EFHB: variants seen among roughly 807,000 people sequenced by gnomAD.
EFHB encodes the protein EF-hand domain family member B.
A neutral mutation model predicts 87.2 loss-of-function variants in EFHB; 91 were observed. The ratio of observed to expected loss-of-function variants is 1.04; its 90% CI spans 0.88 to 1.24. EFHB has a LOEUF of 1.24. EFHB is among the 50% of genes most tolerant of loss of function. The probability of loss-of-function intolerance (pLI) is 0.00; values close to 1 mark genes in which losing one functional copy is unlikely to be tolerated. For synonymous variants in EFHB, 325 were observed against 333.6 expected (o/e 0.97, Z 0.28); for missense variants, 1,084 against 998.8 (o/e 1.09, Z -1.15).
intron 2 of EFHB, 66 bp downstream of exon 2, chr3:19,920,439 G>T: frequency 1.5e-6 from 2 of 1,313,842 alleles, no homozygotes; most frequent in South Asian, 1.3e-5. Flanking sequence ...ACGTTGAGTT[G>T]CCTATTCCTT....
In EFHB at chr3:19,918,392, T is replaced by TG; in HGVS notation, c.1016dup (p.Gln340ThrfsTer11). 6.3e-7 allele frequency: 1 copy of TG among 1,599,494 alleles called. No individual in the cohort carries two copies. The highest frequency in any genetic ancestry group is 8.5e-7 in the Non-Finnish European group (1 of 1,175,774). On this transcript the variant is annotated frameshift_variant, in exon 4 of 13. Transcript: ENST00000295824. LOFTEE classifies it high-confidence loss of function. ...TCTGTTGAAATGTGGTAATAGGCTG[T>TG]GGGTTTATCAATGTGTTTGCCTAAA... is the stretch of plus-strand genomic sequence containing the variant.
intron 6 of EFHB, among the ~76,000 whole-genome samples, chr3:19,904,886 A>G (rs1694788485): frequency 6.6e-6 from 1 of 152,220 alleles, no homozygotes. Flanking sequence ...TTTTTTAAGC[A>G]TAACAAGATA....
intron 3 of EFHB, among the ~76,000 whole-genome samples, chr3:19,918,820 A>AAG (rs1214488749): frequency 1.3e-5 from 2 of 151,306 alleles, no homozygotes; most frequent in African/African-American, 4.9e-5. Context: ...ACTAAAAAAA[A>AAG]AAAAAAAAAA....
chr3:19,893,946 A>G (rs1694389319), intron 9 of EFHB, among the ~76,000 whole-genome samples: 1 of 152,244 alleles, frequency 6.6e-6, no homozygotes, highest in Non-Finnish European at 1.5e-5. Context: ...TTTTAAGTTA[A>G]CAATGTTTAC....
At chr3:19,943,975 T>G (rs1696216816) in intron 1 of EFHB, among the ~76,000 whole-genome samples, 1 of 152,224 alleles carries the variant, frequency 6.6e-6, no homozygotes, top group East Asian at 1.9e-4. Context: ...CATTTAGAAT[T>G]AGTGGGCTTA....
intron 12 of EFHB, among the ~76,000 whole-genome samples, chr3:19,881,923 G>A (rs1462820939): frequency 6.6e-6 from 1 of 151,900 alleles, no homozygotes; most frequent in East Asian, 1.9e-4. Flanking sequence ...CACCCCAGTG[G>A]CTATTCAGAC....
upstream of EFHB, among the ~76,000 whole-genome samples, chr3:19,938,785 G>GGA (rs1696080457): frequency 6.6e-6 from 1 of 152,166 alleles, no homozygotes; most frequent in Admixed American, 6.5e-5. Context: ...CCGTGATCCA[G>GGA]TCTCTGCCAA....
intron 9 of EFHB, among the ~76,000 whole-genome samples, chr3:19,891,125 G>C (rs1183047439): frequency 6.6e-6 from 1 of 152,130 alleles, no homozygotes; most frequent in African/African-American, 2.4e-5. Flanking sequence ...GGAATGCAGT[G>C]GCACAATCAT....
chr3:19,882,055 A>ATAAATAATTAAATAAT lies in EFHB; in HGVS notation c.2328+494_2328+495insATTATTTAATTATTTA, dbSNP rs147948986. On this transcript the variant is annotated intron_variant, in intron 12 of 12. Coordinates refer to ENST00000295824, the MANE Select transcript of EFHB (RefSeq NM_144715.4). ...AATAAATAAATAAATAAATAAATAA[A>ATAAATAATTAAATAAT]TAAATAATTAAATAAGACAGATGTA... Among the ~76,000 whole-genome samples the ATAAATAATTAAATAAT allele has an allele frequency of 2.2e-3, 312 of 140,186 alleles. 1 individual carries two copies. Among genetic ancestry groups the ATAAATAATTAAATAAT allele is most frequent in the Non-Finnish European group, 3.8e-3 (254 of 66,994 alleles). The allele number at this position is 140,186 out of a possible 152,430, so 92.0% of individuals were successfully genotyped here.
intron 9 of EFHB, chr3:19,894,499 A>C (rs1363988688): frequency 6.6e-6 from 1 of 152,218 alleles, no homozygotes; most frequent in Non-Finnish European, 1.5e-5. Flanking sequence ...TTCATTTAGA[A>C]AATCATAGTT....
At chr3:19,939,370 CTTTTTTTTTTTTTTTTT>C (rs147510880) in intron 1 of EFHB, among the ~76,000 whole-genome samples, 22 of 64,590 alleles carry the variant, frequency 3.4e-4, no homozygotes, top group African/African-American at 1.0e-3. Context: ...GTTGGGTCTC[CTTTTTTTTTTTTTTTTT>C]TTTTTTTTTT....
chr3:19,909,472 T>A (rs1189663207), intron 5 of EFHB, among the ~76,000 whole-genome samples: 2 of 152,092 alleles, frequency 1.3e-5, no homozygotes, highest in Admixed American at 6.5e-5. Flanking sequence ...CAAGTAACCT[T>A]GAAAGGCAGT....
chr3:19,913,720 A>C (rs1400463613), intron 5 of EFHB, among the ~76,000 whole-genome samples: 1 of 152,228 alleles, frequency 6.6e-6, no homozygotes, highest in East Asian at 1.9e-4. Flanking sequence ...AAACCACAAA[A>C]TACCCAGAAT....
chr3:19,939,400 T>TTTTTTTTTTG (rs1559479910), intron 1 of EFHB, among the ~76,000 whole-genome samples: 1 of 111,374 alleles, frequency 9.0e-6, no homozygotes, highest in African/African-American at 3.4e-5. Context: ...TTTTTTTTTT[T>TTTTTTTTTTG]GGGATGGAGT....
intron 4 of EFHB, among the ~76,000 whole-genome samples, chr3:19,915,651 G>C (rs563461702): frequency 6.6e-6 from 1 of 152,118 alleles, no homozygotes; most frequent in East Asian, 1.9e-4. Flanking sequence ...TGGGAGCAAT[G>C]GCTCACGTGT....
intron 9 of EFHB, 71 bp from the exon 10 acceptor site, chr3:19,888,722 G>T: frequency 7.8e-7 from 1 of 1,277,494 alleles, no homozygotes; most frequent in Non-Finnish European, 1.1e-6. Context: ...ACATTATTTA[G>T]TTTAAGAAAA....
At chr3:19,936,204 GC>G, upstream of EFHB, 1 of 1,002,866 alleles carries the variant, frequency 1.0e-6, no homozygotes, top group Non-Finnish European at 1.5e-6. Context: ...AATTCAATTA[GC>G]CCAGCGTGGT....
rs547308882 is a variant in EFHB at position 19,882,689 on chromosome 3, G to C, written c.2189C>G (p.Pro730Arg). 6.2e-7 allele frequency: 1 copy of C among 1,613,710 alleles called. No homozygotes were observed. Among genetic ancestry groups the C allele is most frequent in the East Asian group, 2.2e-5 (1 of 44,868 alleles). The change falls in exon 12 of 13, where the codon CCT (proline) becomes CGT (arginine). Residue 730 changes from proline to arginine, a missense_variant. By Grantham distance (103) the Pro-to-Arg change is moderately radical. Transcript: ENST00000295824. Reference sequence around the variant, plus strand: ...ACTGATGCGACGAATTCGGGGAGCAGGAATGTCAGATCGAATGGTTGGAAC... The same window carrying C: ...ACTGATGCGACGAATTCGGGGAGCACGAATGTCAGATCGAATGGTTGGAAC... ...CGVPTIRSDI[P>R]APRIRRISDR...
chr3:19,918,452 A>C (rs908392255), intron 3 of EFHB, 40 bp from the exon 4 acceptor site: 18 of 1,517,784 alleles, frequency 1.2e-5, no homozygotes, highest in Non-Finnish European at 1.4e-5. Context: ...TCAACAAAAA[A>C]AGTATAAATC....
Sources: allele counts gnomAD v4.1 joint callset (sites outside exome capture counted in the v4.1 genomes callset), GRCh38; gene constraint gnomAD v4.1.1; transcripts MANE v1.5; gene names NCBI Gene and HGNC (gene_info 2026-07-23, HGNC 2026-07-21).